The following VAT1L variants were observed in gnomAD, a reference collection of about 807,000 sequenced individuals.
VAT1L encodes vesicle amine transport 1 like, also known as putative NADPH-dependent quinone oxidoreductase VAT1L.
Under a neutral mutation model 44.1 loss-of-function variants are expected in VAT1L, and 34 were observed. That is an observed-to-expected ratio of 0.77 (90% CI 0.59 to 1.03). The LOEUF is 1.03. VAT1L is among the 50% of genes least tolerant of loss of function. VAT1L has a pLI of 0.00. For missense variants in VAT1L, 615 were observed against 538.8 expected (o/e 1.14, Z -1.40); for synonymous variants, 253 against 202.2 (o/e 1.25, Z -2.13).
At chr16:77,928,356 T>C (rs1360400759) in intron 7 of VAT1L, among the ~76,000 whole-genome samples, 2 of 152,234 alleles carry the variant, frequency 1.3e-5, no homozygotes, top group East Asian at 3.8e-4. Context: ...AATCCTGCTA[T>C]TGTGACTGCT....
intron 3 of VAT1L, among the ~76,000 whole-genome samples, chr16:77,825,922 C>G (rs546289216): frequency 7.5e-4 from 111 of 147,894 alleles, no homozygotes; most frequent in Non-Finnish European, 1.3e-3. Flanking sequence ...ACTCGGGAGG[C>G]TGAGGCAGAA....
At chr16:77,792,906 C>T (rs2015859770) in intron 1 of VAT1L, among the ~76,000 whole-genome samples, 1 of 152,052 alleles carries the variant, frequency 6.6e-6, no homozygotes. Context: ...TATAAGGATG[C>T]CTGGTGCTTA....
intron 7 of VAT1L, among the ~76,000 whole-genome samples, chr16:77,933,630 C>T (rs1348030563): frequency 6.6e-6 from 1 of 152,132 alleles, no homozygotes; most frequent in Non-Finnish European, 1.5e-5. Context: ...GGGAGTCAGG[C>T]AAAGCCTGAA....
chr16:77,865,565 T>C (rs1479945826), intron 4 of VAT1L, among the ~76,000 whole-genome samples: 2 of 152,156 alleles, frequency 1.3e-5, no homozygotes, highest in African/African-American at 4.8e-5. Flanking sequence ...AAATAACTGA[T>C]TCACATTTTC....
intron 7 of VAT1L, among the ~76,000 whole-genome samples, chr16:77,885,087 T>C (rs12924014): frequency 0.54 from 82,531 of 152,056 alleles, 24,093 homozygotes; most frequent in Middle Eastern, 0.65. Context: ...TCGGTGTGGT[T>C]ACAAGAGCAT....
chr16:77,946,279 C>CTTTTTTTTTTTT (rs66461822), intron 7 of VAT1L, among the ~76,000 whole-genome samples: 1,146 of 70,334 alleles, frequency 0.016, 346 homozygotes, highest in Middle Eastern at 0.05. Context: ...GTTACTTGTT[C>CTTTTTTTTTTTT]TTTTTTTTTT....
intron 7 of VAT1L, among the ~76,000 whole-genome samples, chr16:77,919,945 A>G (rs2017594061): frequency 6.6e-6 from 1 of 152,058 alleles, no homozygotes; most frequent in South Asian, 2.1e-4. Context: ...ATAGCCGAGT[A>G]TGGTGGTGGG....
intron 1 of VAT1L, among the ~76,000 whole-genome samples, chr16:77,791,741 A>T (rs2015839230): frequency 6.6e-6 from 1 of 152,204 alleles, no homozygotes; most frequent in South Asian, 2.1e-4. Flanking sequence ...TTAAGAGAAT[A>T]TTCTCTAGCT....
At chr16:77,794,494 T>C (rs541730611) in intron 1 of VAT1L, among the ~76,000 whole-genome samples, 1 of 152,336 alleles carries the variant, frequency 6.6e-6, no homozygotes, top group South Asian at 2.1e-4. Flanking sequence ...CTGCCTCATT[T>C]ACCTTGATCA....
chr16:77,946,276 G>GCTCTTTTTTTTTTT (rs1441996306), intron 7 of VAT1L, among the ~76,000 whole-genome samples: 5 of 33,854 alleles, frequency 1.5e-4, no homozygotes, highest in South Asian at 1.2e-3. Flanking sequence ...TAGGTTACTT[G>GCTCTTTTTTTTTTT]TTCTTTTTTT....
At chr16:77,873,317 ATGCC>A (rs1177484581) in intron 4 of VAT1L, among the ~76,000 whole-genome samples, 1 of 152,222 alleles carries the variant, frequency 6.6e-6, no homozygotes, top group Non-Finnish European at 1.5e-5. Flanking sequence ...TGGAGTTAAA[ATGCC>A]TGCCTCATAG....
At chr16:77,791,725 T>A (rs1460502823) in intron 1 of VAT1L, among the ~76,000 whole-genome samples, 2 of 152,222 alleles carry the variant, frequency 1.3e-5, no homozygotes, top group Admixed American at 6.5e-5. Context: ...TCTTTTTGTG[T>A]CTGGCTTAAG....
chr16:77,940,495 T>TCACC (rs1216156325), intron 7 of VAT1L, among the ~76,000 whole-genome samples: 9 of 151,344 alleles, frequency 5.9e-5, no homozygotes, highest in African/African-American at 2.2e-4. Flanking sequence ...AGGCACGTGC[T>TCACC]ACCATGCCTG....
intron 1 of VAT1L, among the ~76,000 whole-genome samples, chr16:77,798,701 A>G (rs1407069937): frequency 6.6e-6 from 1 of 152,176 alleles, no homozygotes; most frequent in African/African-American, 2.4e-5. Flanking sequence ...AAACCCTGAC[A>G]TCAAAAGTAG....
chr16:77,799,714 G>A (rs866044671), intron 1 of VAT1L, among the ~76,000 whole-genome samples: 4 of 152,160 alleles, frequency 2.6e-5, no homozygotes, highest in Non-Finnish European at 5.9e-5. Flanking sequence ...GTGAAGAATC[G>A]GAGGGGAACT....
At chr16:77,899,023 C>T (rs751122718) in intron 7 of VAT1L, among the ~76,000 whole-genome samples, 6 of 152,222 alleles carry the variant, frequency 3.9e-5, no homozygotes, top group Non-Finnish European at 7.3e-5. Flanking sequence ...GAGCCATGGA[C>T]AAATGACAAA....
intron 7 of VAT1L, among the ~76,000 whole-genome samples, chr16:77,927,959 C>T (rs2017688779): frequency 6.6e-6 from 1 of 152,196 alleles, no homozygotes; most frequent in South Asian, 2.1e-4. Flanking sequence ...GACTCTCTTT[C>T]TGCATGGAAA....
At chr16:77,962,322 C>G (rs921176521) in intron 7 of VAT1L, among the ~76,000 whole-genome samples, 19 of 152,122 alleles carry the variant, frequency 1.2e-4, no homozygotes, top group African/African-American at 4.6e-4. Flanking sequence ...GAACCCAAAG[C>G]ATGGTCTAGA....
intron 7 of VAT1L, among the ~76,000 whole-genome samples, chr16:77,941,681 G>A (rs543295046): frequency 2.6e-5 from 4 of 152,188 alleles, no homozygotes; most frequent in African/African-American, 9.6e-5. Context: ...CAGCTCCCGG[G>A]TTTAAGCTAT....
Sources: gnomAD v4.1 joint callset for allele counts (sites outside exome capture counted in the v4.1 genomes callset) on GRCh38, gnomAD v4.1.1 for gene constraint, MANE v1.5 for transcripts, NCBI Gene and HGNC (gene_info 2026-07-23, HGNC 2026-07-21) for gene names.